The following PALM3 variants were observed in gnomAD, a reference collection of about 807,000 sequenced individuals.
PALM3 encodes paralemmin 3, also known as paralemmin-3.
Under a neutral mutation model 27.9 loss-of-function variants are expected in PALM3, and 20 were observed. The observed-to-expected ratio is 0.72, with a 90% confidence interval of 0.50 to 1.04. The LOEUF is 1.04. Ranked by LOEUF, PALM3 falls within the 50% of genes least tolerant of loss-of-function variation. The pLI, the probability that PALM3 is intolerant of heterozygous loss-of-function variation, is 0.00. For synonymous variants in PALM3, 328 were observed against 352.7 expected, an observed-to-expected ratio of 0.93 and a Z score of 0.79; for missense variants, 814 against 869.4, an observed-to-expected ratio of 0.94 and a Z score of 0.80.
At chr19:14,058,045 T>C (rs543043924) in intron 2 of PALM3, among the ~76,000 whole-genome samples, 1 of 152,054 alleles carries the variant, frequency 6.6e-6, no homozygotes, top group East Asian at 1.9e-4. Context: ...GAGGCGCAGG[T>C]TGCAGTGAGC....
At position 14,054,756 on chromosome 19, in the gene PALM3, C is replaced by G; in HGVS notation, c.916G>C (p.Glu306Gln). Residue 306 changes from glutamate (E) to glutamine (Q), a missense_variant, in exon 7 of 7, where the codon GAG (glutamate) becomes CAG (glutamine). Physicochemically the swap from Glu to Gln is conservative, Grantham distance 29. Transcript: ENST00000669674. ...VGGSDAEAMG[E>Q]IGRVPEVVQT... ...ACGACCTCAGGGACCCTGCCTATCTCCCCCATGGCCTCTGCATCACTGCCA... is the reference window on the plus strand; with the variant it reads ...ACGACCTCAGGGACCCTGCCTATCTGCCCCATGGCCTCTGCATCACTGCCA... 6.4e-7 allele frequency: 1 copy of G among 1,551,800 alleles called. No individual in the cohort carries two copies.
At chr19:14,058,363 C>T (rs2145705834) in intron 2 of PALM3, among the ~76,000 whole-genome samples, 1 of 130,532 alleles carries the variant, frequency 7.7e-6, no homozygotes, top group East Asian at 2.2e-4. Context: ...AGATGGGGTG[C>T]AGGGAGATGG....
At chr19:14,058,332 G>A (rs1375721737) in intron 2 of PALM3, among the ~76,000 whole-genome samples, 2 of 150,160 alleles carry the variant, frequency 1.3e-5, no homozygotes, top group African/African-American at 2.5e-5. Context: ...AAGAGATAGG[G>A]TACAGAAGTG....
chr19:14,054,964 C>A lies in PALM3; in HGVS notation c.708G>T (p.Val236=). 6.5e-7 allele frequency: 1 copy of A among 1,549,472 alleles called. No homozygotes were observed. ...EAKGGGVVSV[V]WEGLRATEDC... ...CCTCTGTGGCCCTCAGCCCTTCCCACACCACACTCACCACGCCCCCTCCTT... is the reference window on the plus strand; with the variant it reads ...CCTCTGTGGCCCTCAGCCCTTCCCAAACCACACTCACCACGCCCCCTCCTT... Residue 236 remains valine (V), a synonymous_variant, in exon 7 of 7, where the codon GTG becomes GTT. Coordinates refer to ENST00000669674, the MANE Select transcript of PALM3 (RefSeq NM_001145028.2).
In PALM3 at chr19:14,057,426, C is replaced by T; in HGVS notation, c.96G>A (p.Lys32=). ...CGCGGATCTCCTCCTGCAGCCGCCGCTTCTCCTGCGCACAGAGGACCCGGA... is the reference window on the plus strand; with the variant it reads ...CGCGGATCTCCTCCTGCAGCCGCCGTTTCTCCTGCGCACAGAGGACCCGGA... ...YRQRLEVIAE[K]RRLQEEIRAA... The change falls in exon 3 of 7, where the codon AAG becomes AAA. Residue 32 remains lysine, a synonymous_variant. Coordinates refer to ENST00000669674, the MANE Select transcript of PALM3 (RefSeq NM_001145028.2). 6.5e-7 allele frequency: 1 copy of T among 1,540,496 alleles called. No individual in the cohort carries two copies. Among genetic ancestry groups the T allele is most frequent in the Middle Eastern group, 1.7e-4 (1 of 5,724 alleles).
intron 2 of PALM3, among the ~76,000 whole-genome samples, chr19:14,058,311 A>G (rs954202991): frequency 2.4e-4 from 35 of 147,230 alleles, no homozygotes; most frequent in Non-Finnish European, 4.9e-4. Context: ...GGGGTATAGA[A>G]GTTGAGTGCG....
In PALM3 at chr19:14,054,437, T is replaced by A; in HGVS notation, c.1235A>T (p.Lys412Ile). The change falls in exon 7 of 7, where the codon AAA becomes ATA. Residue 412 changes from lysine to isoleucine, a missense_variant. Lys to Ile is a moderately radical substitution (Grantham distance 102). Coordinates refer to ENST00000669674, the MANE Select transcript of PALM3 (RefSeq NM_001145028.2). ...TCCTATTCCCATGGATTCTTCCGCT[T>A]TTCTCTTCTCTGCCTCCCAGGTCTC... ...GEETWEAEKR[K>I]AEESMGIGSE... is the part of the protein sequence containing the mutation. 1 of 1,551,706 alleles carries A rather than the reference T, an allele frequency of 6.4e-7. No homozygotes were observed. Among genetic ancestry groups the A allele is most frequent in the Non-Finnish European group, 8.7e-7 (1 of 1,146,922 alleles).
At chr19:14,057,790 C>T (rs1976337784) in intron 2 of PALM3, among the ~76,000 whole-genome samples, 1 of 151,884 alleles carries the variant, frequency 6.6e-6, no homozygotes, top group Non-Finnish European at 1.5e-5. Flanking sequence ...CTCCGAGATA[C>T]GAGGTTAAGA....
chr19:14,057,516 G>C, intron 2 of PALM3, 85 bp from the exon 3 acceptor site: 1 of 1,180,386 alleles, frequency 8.5e-7, no homozygotes, highest in Non-Finnish European at 1.1e-6. Context: ...TCCCTCCTCC[G>C]CGGGGCTCAC....
At chr19:14,061,454 C>T (rs1207337963) in intron 1 of PALM3, among the ~76,000 whole-genome samples, 2 of 152,212 alleles carry the variant, frequency 1.3e-5, no homozygotes, top group South Asian at 2.1e-4. Flanking sequence ...ACAACGTAGG[C>T]GGCCTGGGCT....
intron 1 of PALM3, among the ~76,000 whole-genome samples, chr19:14,060,671 G>A (rs1976398181): frequency 6.6e-6 from 1 of 152,124 alleles, no homozygotes; most frequent in Non-Finnish European, 1.5e-5. Context: ...TGGCGAGGGG[G>A]GTGGGGGTGC....
At chr19:14,057,578 C>T (rs1976331008) in intron 2 of PALM3, 147 bp from the exon 3 acceptor site, 3 of 333,680 alleles carry the variant, frequency 9.0e-6, no homozygotes, top group East Asian at 9.5e-5. Context: ...TGGCCCAGCG[C>T]GGGTCTGCAC....
intron 2 of PALM3, among the ~76,000 whole-genome samples, chr19:14,058,237 A>ATG: frequency 7.0e-6 from 1 of 143,328 alleles, no homozygotes; most frequent in East Asian, 2.2e-4. Flanking sequence ...GTGGGGGTGC[A>ATG]GAGAGATGGG....
Position 14,054,145 on chromosome 19 carries a change from C to A in PALM3, c.1527G>T (p.Glu509Asp). The change falls in exon 7 of 7, where the codon GAG (glutamate) becomes GAT (aspartate). Residue 509 changes from glutamate to aspartate, a missense_variant. By Grantham distance (45) the Glu-to-Asp change is conservative. Transcript: ENST00000669674. ...EPLGVEKKGG[E>D]EEPEATKEPL... is the part of the protein sequence containing the mutation. Reference sequence around the variant, plus strand: ...GTTCTTTGGTTGCCTCTGGCTCTTCCTCACCTCCTTTCTTCTCTACTCCCA... The same window carrying A: ...GTTCTTTGGTTGCCTCTGGCTCTTCATCACCTCCTTTCTTCTCTACTCCCA... 1 of 1,551,850 alleles carries A rather than the reference C, an allele frequency of 6.4e-7. No individual in the cohort carries two copies.
chr19:14,054,750 C>T lies in PALM3; in HGVS notation c.922G>A (p.Gly308Ser), dbSNP rs1379812299. 3.9e-6 allele frequency: 6 copies of T among 1,551,864 alleles called. No individual in the cohort carries two copies. Among genetic ancestry groups the T allele is most frequent in the South Asian group, 3.6e-5 (3 of 84,058 alleles). Residue 308 changes from glycine to serine, a missense_variant, in exon 7 of 7, where the codon GGC becomes AGC. Physicochemically the swap from Gly to Ser is moderately conservative, Grantham distance 56. Coordinates refer to ENST00000669674, the MANE Select transcript of PALM3 (RefSeq NM_001145028.2). ...GTCTGCACGACCTCAGGGACCCTGC[C>T]TATCTCCCCCATGGCCTCTGCATCA... ...GSDAEAMGEI[G>S]RVPEVVQTSS...
Position 14,053,722 on chromosome 19 carries a change from A to G in PALM3, c.1950T>C (p.Ser650=), listed in dbSNP as rs1284541473. 6.6e-7 allele frequency: 1 copy of G among 1,524,506 alleles called. No individual in the cohort carries two copies. Among genetic ancestry groups the G allele is most frequent in the Admixed American group, 2.1e-5 (1 of 46,942 alleles). The allele number at this position is 1,524,506 out of a possible 1,614,324, so 94.4% of individuals were successfully genotyped here. A position where few individuals can be genotyped will look rare whatever the true frequency, so the allele number is the denominator to read the frequency against. Residue 650 remains serine (S), a synonymous_variant, in exon 7 of 7, where the codon AGT becomes AGC. Coordinates refer to ENST00000669674, the MANE Select transcript of PALM3 (RefSeq NM_001145028.2). ...LQGEGPSANP[S]AHPVPTYAPA... ...GCGCGTAGGTGGGCACAGGGTGGGC[A>G]CTGGGGTTGGCGCTGGGCCCCTCCC...
At chr19:14,059,249 C>T in intron 1 of PALM3, 86 bp from the exon 2 acceptor site, 1 of 1,276,776 alleles carries the variant, frequency 7.8e-7, no homozygotes, top group Middle Eastern at 1.9e-4. Flanking sequence ...ATGGAAATTG[C>T]CCCGAGCCCA....
rs1976281762 is a variant in PALM3 at position 14,055,208 on chromosome 19, T to C, written c.464A>G (p.Lys155Arg). 6.5e-7 allele frequency: 1 copy of C among 1,534,910 alleles called. No homozygotes were observed. Among genetic ancestry groups the C allele is most frequent in the Admixed American group, 2.0e-5 (1 of 49,526 alleles). Residue 155 changes from lysine to arginine, a missense_variant, in exon 7 of 7, where the codon AAG becomes AGG. Lys to Arg is a conservative substitution (Grantham distance 26). Coordinates refer to ENST00000669674, the MANE Select transcript of PALM3 (RefSeq NM_001145028.2). ...TAGTCCAGCCGGCAGGGAGGCTCTC[T>C]TGTTCAGATCAGTCTGGCCTGGGGG... ...AGSVGQTDLN[K>R]RASLPAGLVG...
At chr19:14,060,022 C>T (rs1976390126) in intron 1 of PALM3, among the ~76,000 whole-genome samples, 1 of 152,098 alleles carries the variant, frequency 6.6e-6, no homozygotes, top group Non-Finnish European at 1.5e-5. Flanking sequence ...TAGGGACAGT[C>T]AGTGTCACAC....
Sources: gnomAD v4.1 joint callset for allele counts (sites outside exome capture counted in the v4.1 genomes callset) on GRCh38, gnomAD v4.1.1 for gene constraint, MANE v1.5 for transcripts, NCBI Gene and HGNC (gene_info 2026-07-23, HGNC 2026-07-21) for gene names.